COL25A1: variants seen among roughly 807,000 people sequenced by gnomAD.
COL25A1 encodes collagen alpha-1(XXV) chain.
A neutral mutation model predicts 128.4 loss-of-function variants in COL25A1; 103 were observed. The observed-to-expected ratio is 0.80, with a 90% CI of 0.68 to 0.94. COL25A1 has a LOEUF of 0.94. Ranked by LOEUF, COL25A1 falls within the 40% of genes least tolerant of loss-of-function variation. The pLI is 0.00. For missense variants in COL25A1, 745 were observed against 840.0 expected, an observed-to-expected ratio of 0.89 and a Z score of 1.40; for synonymous variants, 279 against 277.2, an observed-to-expected ratio of 1.01 and a Z score of -0.06.
chr4:109,282,581 G>A (rs1723476681), intron 3 of COL25A1, among the ~76,000 whole-genome samples: 2 of 152,186 alleles, frequency 1.3e-5, no homozygotes, highest in African/African-American at 4.8e-5. Flanking sequence ...GTCAAGAACT[G>A]TTAAAGATAT....
intron 3 of COL25A1, among the ~76,000 whole-genome samples, chr4:109,121,696 C>A (rs1463353813): frequency 6.6e-6 from 1 of 152,102 alleles, no homozygotes; most frequent in Non-Finnish European, 1.5e-5. Flanking sequence ...GATACAGCCA[C>A]TTTGGAAGAA....
In COL25A1 at chr4:108,983,735, T is replaced by C. The variant is rs191737163; in HGVS notation, c.439-9176A>G. 3.3e-3 allele frequency among the ~76,000 whole-genome samples: 503 copies of C among 152,030 alleles called. 3 individuals carry two copies. The highest frequency in any genetic ancestry group is 0.012 in the African/African-American group (495 of 41,446). ...GGACCTTCGCAGTGAGTGTTACAGC[T>C]CTTAAGGCGGTGCGTCTGGAGTTGC... is the stretch of plus-strand genomic sequence containing the variant. On this transcript the variant is annotated intron_variant, in intron 6 of 37. Coordinates refer to ENST00000399132, the MANE Select transcript of COL25A1 (RefSeq NM_198721.4).
intron 11 of COL25A1, among the ~76,000 whole-genome samples, chr4:108,929,512 A>G (rs1417961601): frequency 6.6e-6 from 1 of 152,168 alleles, no homozygotes; most frequent in Non-Finnish European, 1.5e-5. Context: ...ATAAGCACAC[A>G]TATACTCCAA....
At chr4:108,983,628 G>A (rs888539734) in intron 6 of COL25A1, among the ~76,000 whole-genome samples, 7 of 152,056 alleles carry the variant, frequency 4.6e-5, no homozygotes, top group South Asian at 2.1e-4. Context: ...TTAAGGTGGC[G>A]CATCTGGAGT....
chr4:109,260,468 T>G (rs1781367529), intron 3 of COL25A1, among the ~76,000 whole-genome samples: 1 of 152,118 alleles, frequency 6.6e-6, no homozygotes, highest in African/African-American at 2.4e-5. Flanking sequence ...GTATACTGTT[T>G]GTTTGGGATT....
rs113979814 is a variant in COL25A1 at position 109,206,221 on chromosome 4, A to G, written c.367+94362T>C. Among the ~76,000 whole-genome samples, 122 of 152,254 alleles carry G rather than the reference A, an allele frequency of 8.0e-4. No individual in the cohort carries two copies. The Middle Eastern group carries it at 0.024, about 30-fold the overall frequency. On this transcript the variant is annotated intron_variant, in intron 3 of 37. Transcript: ENST00000399132. ...ATAATAAATAGCTTTCTCATATACT[A>G]AAGACAGGTTCAGATATTTATAAAG...
chr4:108,978,899 A>G (rs867160238), intron 6 of COL25A1, among the ~76,000 whole-genome samples: 4 of 152,322 alleles, frequency 2.6e-5, no homozygotes, highest in Middle Eastern at 3.4e-3. Context: ...CAATAGTCAG[A>G]TCTTTTATAA....
chr4:109,198,200 G>T (rs1322375618), intron 3 of COL25A1, among the ~76,000 whole-genome samples: 1 of 151,838 alleles, frequency 6.6e-6, no homozygotes, highest in Non-Finnish European at 1.5e-5. Flanking sequence ...CACAAGACAG[G>T]CCAGGAGGGC....
chr4:109,270,471 C>A (rs952276290), intron 3 of COL25A1, among the ~76,000 whole-genome samples: 1 of 152,114 alleles, frequency 6.6e-6, no homozygotes, highest in Admixed American at 6.6e-5. Flanking sequence ...CCATTCACAA[C>A]TGCTTCAAAG....
chr4:109,153,381 CAAAAAAA>C (rs34880736), intron 3 of COL25A1, among the ~76,000 whole-genome samples: 1 of 115,978 alleles, frequency 8.6e-6, no homozygotes, highest in Non-Finnish European at 1.8e-5. Context: ...AGCTCCATCT[CAAAAAAA>C]AAAAAAAAAA....
chr4:109,021,558 T>A (rs563287836), intron 5 of COL25A1, among the ~76,000 whole-genome samples: 21 of 152,182 alleles, frequency 1.4e-4, no homozygotes, highest in Admixed American at 4.6e-4. Flanking sequence ...CAATATGAAA[T>A]CAGTGCACCT....
intron 3 of COL25A1, among the ~76,000 whole-genome samples, chr4:109,169,023 GATAA>G (rs1773330256): frequency 6.6e-6 from 1 of 152,058 alleles, no homozygotes. Context: ...TTAAAAATCT[GATAA>G]TGTCCTCTTG....
intron 3 of COL25A1, among the ~76,000 whole-genome samples, chr4:109,289,032 TA>T (rs1724195243): frequency 6.6e-6 from 1 of 151,396 alleles, no homozygotes; most frequent in African/African-American, 2.4e-5. Flanking sequence ...TTTGCTTACC[TA>T]AAGAACTGTT....
intron 3 of COL25A1, among the ~76,000 whole-genome samples, chr4:109,161,178 C>A (rs997495446): frequency 6.6e-6 from 1 of 151,962 alleles, no homozygotes; most frequent in African/African-American, 2.4e-5. Flanking sequence ...GGAACTAGAA[C>A]CAGGGGAAAT....
intron 3 of COL25A1, among the ~76,000 whole-genome samples, chr4:109,281,045 C>T (rs1341113019): frequency 3.3e-5 from 5 of 152,050 alleles, no homozygotes; most frequent in Admixed American, 6.6e-5. Context: ...AAAGGAAGCA[C>T]ATCTTAAAAT....
At chr4:108,931,656 A>C (rs1746756560) in intron 11 of COL25A1, among the ~76,000 whole-genome samples, 1 of 152,150 alleles carries the variant, frequency 6.6e-6, no homozygotes, top group Non-Finnish European at 1.5e-5. Context: ...AAGTCTGTGC[A>C]CGTAGGAATC....
At chr4:109,053,415 G>A (rs928280769) in intron 3 of COL25A1, among the ~76,000 whole-genome samples, 2 of 152,138 alleles carry the variant, frequency 1.3e-5, no homozygotes, top group South Asian at 2.1e-4. Flanking sequence ...TTGTTTGAAC[G>A]CTCTATTCCT....
intron 6 of COL25A1, among the ~76,000 whole-genome samples, chr4:108,983,587 C>T (rs1404439306): frequency 6.6e-6 from 1 of 152,158 alleles, no homozygotes; most frequent in East Asian, 1.9e-4. Flanking sequence ...AAGAATGAAG[C>T]CGCGGACCCT....
intron 3 of COL25A1, among the ~76,000 whole-genome samples, chr4:109,073,520 T>C (rs1021770407): frequency 6.7e-6 from 1 of 149,244 alleles, no homozygotes; most frequent in African/African-American, 2.5e-5. Flanking sequence ...TTTGGCTTAA[T>C]AATATAACAT....
Sources: allele counts gnomAD v4.1 joint callset (sites outside exome capture counted in the v4.1 genomes callset), GRCh38; gene constraint gnomAD v4.1.1; transcripts MANE v1.5; gene names NCBI Gene and HGNC (gene_info 2026-07-23, HGNC 2026-07-21).